CTPS2: variants seen among roughly 807,000 people sequenced by gnomAD.
CTPS2 encodes the protein CTP synthase 2.
In CTPS2, 19 loss-of-function variants were observed where a neutral mutation model predicts 46.8. That is an observed-to-expected ratio of 0.41 (90% CI 0.28 to 0.60). The LOEUF is 0.60. Among genes scored for constraint, CTPS2 ranks in the 20% least tolerant of loss-of-function variants. CTPS2 has a pLI of 0.35. For missense variants in CTPS2, 286 were observed against 447.6 expected (o/e 0.64, Z 3.26); for synonymous variants, 151 against 165.2 (o/e 0.91, Z 0.66).
intron 10 of CTPS2, among the ~76,000 whole-genome samples, chrX:16,675,115 A>C (rs1224148123): frequency 9.1e-6 from 1 of 109,511 alleles, no homozygotes; most frequent in Non-Finnish European, 1.9e-5. Flanking sequence ...AAATGCAAAA[A>C]AAATTAGTCA....
chrX:16,588,849 C>T lies in CTPS2; in HGVS notation c.*968G>A, dbSNP rs1928746966. 8.9e-6 allele frequency: 1 copy of T among 111,862 alleles called. No individual in the cohort carries two copies. The highest frequency in any genetic ancestry group is 1.9e-5 in the Non-Finnish European group (1 of 53,199). 9.2% of individuals were successfully genotyped at this position (111,862 alleles called of 1,213,427 possible). On this transcript the variant is annotated 3_prime_UTR_variant, in exon 19 of 19. Transcript: ENST00000359276. ...GGTTAATTCTATGTTACGTGAATTT[C>T]ACGTCGATTAAAAAATATATATACA... is the stretch of plus-strand genomic sequence containing the variant.
chrX:16,599,476 C>CTTTTTTTTTTTT (rs56794396), intron 17 of CTPS2, among the ~76,000 whole-genome samples: 1 of 86,209 alleles, frequency 1.2e-5, no homozygotes, highest in African/African-American at 4.6e-5. Context: ...TCTTTTTTTT[C>CTTTTTTTTTTTT]TTTTTTTTTT....
rs1430861077 is a variant in CTPS2 at position 16,675,322 on chromosome X, CCTT to C, written c.1094+3037_1094+3039del. 5.4e-3 allele frequency among the ~76,000 whole-genome samples: 595 copies of C among 109,338 alleles called. 6 individuals are homozygous for C. The highest frequency in any genetic ancestry group is 0.019 in the African/African-American group (569 of 30,059). 94.9% of individuals were successfully genotyped at this position (109,338 alleles called of 115,157 possible). On this transcript the variant is annotated intron_variant, in intron 10 of 18. Coordinates refer to ENST00000359276, the MANE Select transcript of CTPS2 (RefSeq NM_175859.3). ...TTATAGAAGGTTTGTAAAAATCTTA[CCTT>C]ATGGTCAAACTAAAATTGGATAGAT...
intron 1 of CTPS2, among the ~76,000 whole-genome samples, chrX:16,708,810 A>G (rs1925214297): frequency 8.9e-6 from 1 of 112,195 alleles, no homozygotes. Flanking sequence ...AAACTGGCAT[A>G]CATTCGTACA....
At chrX:16,684,351 A>C (rs993604914) in intron 8 of CTPS2, among the ~76,000 whole-genome samples, 2 of 109,416 alleles carry the variant, frequency 1.8e-5, no homozygotes, top group African/African-American at 6.7e-5. Context: ...TCTACTAAAA[A>C]TACAAAAATT....
intron 9 of CTPS2, among the ~76,000 whole-genome samples, chrX:16,682,662 G>A (rs1474782483): frequency 9.0e-6 from 1 of 111,712 alleles, no homozygotes; most frequent in Non-Finnish European, 1.9e-5. Context: ...CAGACAACAT[G>A]GTTTCTGCTG....
intron 13 of CTPS2, chrX:16,650,256 T>C (rs922482376): frequency 2.7e-5 from 3 of 111,626 alleles, no homozygotes; most frequent in Non-Finnish European, 5.6e-5. Context: ...ATTAATACTC[T>C]GCTTCCTTTT....
chrX:16,650,889 C>T, intron 13 of CTPS2: 2 of 600,524 alleles, frequency 3.3e-6, no homozygotes, highest in Non-Finnish European at 5.4e-6. Flanking sequence ...TTATTCTTCC[C>T]CATTTATGCC....
chrX:16,627,501 T>C (rs1166113114), intron 14 of CTPS2, among the ~76,000 whole-genome samples: 1 of 112,228 alleles, frequency 8.9e-6, no homozygotes, highest in Non-Finnish European at 1.9e-5. Context: ...AATCCACAGT[T>C]CTTGATACAA....
chrX:16,595,872 A>T (rs1196290348), intron 17 of CTPS2, among the ~76,000 whole-genome samples: 1 of 110,654 alleles, frequency 9.0e-6, no homozygotes, highest in Non-Finnish European at 1.9e-5. Context: ...TCATTTCCTT[A>T]AAAAAAATTT....
At chrX:16,663,858 C>G in intron 13 of CTPS2, among the ~76,000 whole-genome samples, 1 of 110,520 alleles carries the variant, frequency 9.0e-6, no homozygotes, top group Admixed American at 9.7e-5. Flanking sequence ...TTTTTTGAGG[C>G]AGAGTCTTGC....
At chrX:16,705,661 C>A (rs1246809867) in intron 1 of CTPS2, among the ~76,000 whole-genome samples, 1 of 111,733 alleles carries the variant, frequency 8.9e-6, no homozygotes, top group Admixed American at 9.5e-5. Context: ...AGAGTGCCTG[C>A]CTCTGGTTTT....
chrX:16,609,310 G>GA (rs911999216), intron 17 of CTPS2, among the ~76,000 whole-genome samples: 9 of 111,328 alleles, frequency 8.1e-5, no homozygotes, highest in African/African-American at 2.6e-4. Flanking sequence ...TTATCAAAAT[G>GA]AAAAAAATTT....
At chrX:16,591,101 A>G (rs1335573630) in intron 17 of CTPS2, 1 of 274,072 alleles carries the variant, frequency 3.6e-6, no homozygotes, top group Non-Finnish European at 6.4e-6. Flanking sequence ...GAAGTTACTT[A>G]TTCAGAAAAT....
chrX:16,684,566 G>C (rs1923016004), intron 8 of CTPS2, among the ~76,000 whole-genome samples: 1 of 106,166 alleles, frequency 9.4e-6, no homozygotes, highest in South Asian at 4.1e-4. Context: ...AAGAGTACAA[G>C]AGAAACTAGA....
At chrX:16,698,836 C>A (rs1302713077) in intron 3 of CTPS2, 87 bp downstream of exon 3, 2 of 904,812 alleles carry the variant, frequency 2.2e-6, no homozygotes, top group Non-Finnish European at 3.1e-6. Context: ...CAGGCCTGAG[C>A]CACCGTGCCC....
At chrX:16,688,118 C>T (rs982624840) in intron 8 of CTPS2, among the ~76,000 whole-genome samples, 20 of 111,490 alleles carry the variant, frequency 1.8e-4, no homozygotes, top group Non-Finnish European at 3.4e-4. Context: ...GAAAACAGGG[C>T]CGGGCGCGGT....
chrX:16,630,127 C>T (rs1343988766), intron 14 of CTPS2, among the ~76,000 whole-genome samples: 1 of 110,880 alleles, frequency 9.0e-6, no homozygotes, highest in African/African-American at 3.3e-5. Context: ...TCACTGTCCT[C>T]ATGTCATCTG....
intron 10 of CTPS2, among the ~76,000 whole-genome samples, chrX:16,676,885 C>A (rs1922320085): frequency 9.1e-6 from 1 of 110,297 alleles, no homozygotes; most frequent in Non-Finnish European, 1.9e-5. Flanking sequence ...CATGGTGAAA[C>A]CCGTCTTTAC....
Sources: gnomAD v4.1 joint callset for allele counts (sites outside exome capture counted in the v4.1 genomes callset) on GRCh38, gnomAD v4.1.1 for gene constraint, MANE v1.5 for transcripts, NCBI Gene and HGNC (gene_info 2026-07-23, HGNC 2026-07-21) for gene names.